Variants in DNAH11 observed in about 807,000 individuals in gnomAD.
DNAH11 encodes dynein axonemal heavy chain 11.
In DNAH11, 442 loss-of-function variants were observed where a neutral mutation model predicts 526.0. The observed-to-expected ratio is 0.84, with a 90% CI of 0.78 to 0.91. The LOEUF (loss-of-function observed/expected upper bound fraction) is 0.91. Among genes scored for constraint, DNAH11 ranks in the 40% least tolerant of loss-of-function variants. DNAH11 has a pLI of 0.00. For synonymous variants in DNAH11, 2,461 were observed against 1,935.9 expected (o/e 1.27, Z -7.12); for missense variants, 6,989 against 5,448.7 (o/e 1.28, Z -8.90).
chr7:21,873,116 G>A (rs1054739855), intron 73 of DNAH11, among the ~76,000 whole-genome samples, 158 bp from the exon 74 acceptor site: 12 of 150,528 alleles, frequency 8.0e-5, no homozygotes, highest in East Asian at 7.8e-4. Flanking sequence ...ATGTATTGAT[G>A]TATTGATAAA....
At position 21,779,045 on chromosome 7, in the gene DNAH11, G is replaced by A. The variant is rs775758433; in HGVS notation, c.9424G>A (p.Gly3142Ser). Residue 3142 changes from glycine to serine, a missense_variant, in exon 57 of 82, where the codon GGC becomes AGC. Transcript: ENST00000409508. ...HDAEALITKI[G>S]LQTEKVSREK... ...TGCCGAAGCTCTGATCACAAAGATC[G>A]GCCTTCAGACGGAGAAAGTGAGCCG... The A allele has an allele frequency of 6.2e-6, 10 of 1,613,294 alleles. No homozygotes were observed. Among genetic ancestry groups the A allele is most frequent in the Non-Finnish European group, 6.8e-6 (8 of 1,179,586 alleles).
chr7:21,860,034 G>T (rs898834197), intron 68 of DNAH11, among the ~76,000 whole-genome samples: 1 of 152,240 alleles, frequency 6.6e-6, no homozygotes, highest in East Asian at 1.9e-4. Context: ...TTAGCCAAGT[G>T]TGATGACACA....
rs1239853448 is a variant in DNAH11, at chr7:21,901,468, A to G, written c.*214A>G. ...CACACGACTGTAATCCCAGTTACTC[A>G]GGAGGTAGGAGAATCACTTGAACCT... On this transcript the variant is annotated 3_prime_UTR_variant, in exon 82 of 82. Transcript: ENST00000409508. The G allele has an allele frequency of 3.8e-6, 2 of 528,336 alleles. No homozygotes were observed. Among genetic ancestry groups the G allele is most frequent in the Non-Finnish European group, 5.6e-6 (2 of 357,256 alleles). The allele number at this position is 528,336 out of a possible 1,614,324, so 32.7% of individuals were successfully genotyped here. A position where few individuals can be genotyped will look rare whatever the true frequency, so the allele number is the denominator to read the frequency against.
At chr7:21,716,978 G>A (rs1784688367) in intron 42 of DNAH11, among the ~76,000 whole-genome samples, 1 of 151,740 alleles carries the variant, frequency 6.6e-6, no homozygotes, top group Admixed American at 6.6e-5. Context: ...TTGACCTGTG[G>A]TCATACTCCT....
chr7:21,564,132 G>GAAAAA, intron 5 of DNAH11, 54 bp from the exon 6 acceptor site: 10 of 1,148,528 alleles, frequency 8.7e-6, no homozygotes, highest in Admixed American at 5.8e-5. Flanking sequence ...AGTGAATTTA[G>GAAAAA]AAAAAAAAAA....
In DNAH11 at chr7:21,866,632, A is replaced by G. The variant is rs72658811; in HGVS notation, c.11659A>G (p.Met3887Val). The G allele has an allele frequency of 3.7e-5, 60 of 1,613,750 alleles. No individual in the cohort carries two copies. The East Asian group carries it at 6.0e-4, about 16-fold the overall frequency. Residue 3887 changes from methionine to valine, a missense_variant, in exon 71 of 82, where the codon ATG becomes GTG. Transcript: ENST00000409508. ...LIQKLILLRA[M>V]RPDRMTYALR... ...ACAGAAGCTGATTCTTCTGAGAGCA[A>G]TGCGCCCTGACAGAATGACGTATGC...
chr7:21,863,863 G>A (rs1411689691), intron 69 of DNAH11, among the ~76,000 whole-genome samples: 1 of 152,064 alleles, frequency 6.6e-6, no homozygotes, highest in African/African-American at 2.4e-5. Flanking sequence ...GAAGATATCT[G>A]GAATTTTAAG....
rs150064560 is a variant in DNAH11 at position 21,613,915 on chromosome 7, A to G, written c.3853-1199A>G. ...CCCGAGTAACTGGGACTATAGGCAC[A>G]TGCCACCATGCCCAGCTAATTTTTT... On this transcript the variant is annotated intron_variant, in intron 20 of 81. Coordinates refer to ENST00000409508, the MANE Select transcript of DNAH11 (RefSeq NM_001277115.2). Among the ~76,000 whole-genome samples the G allele has an allele frequency of 4.8e-3, 711 of 149,184 alleles. 5 individuals carry two copies. The highest frequency in any genetic ancestry group is 0.016 in the African/African-American group (656 of 40,380).
At chr7:21,900,236 G>A (rs1784719343) in intron 81 of DNAH11, 116 bp downstream of exon 81, 2 of 1,125,176 alleles carry the variant, frequency 1.8e-6, no homozygotes, top group East Asian at 2.7e-5. Context: ...CCTTATGCTA[G>A]TCATTATCTC....
chr7:21,784,429 G>T lies in DNAH11; in HGVS notation c.9486G>T (p.Val3162=), dbSNP rs767348960. 6.2e-7 allele frequency: 1 copy of T among 1,611,600 alleles called. No individual in the cohort carries two copies. Among genetic ancestry groups the T allele is most frequent in the Non-Finnish European group, 8.5e-7 (1 of 1,178,452 alleles). The change falls in exon 58 of 82, where the codon GTG becomes GTT. Residue 3162 remains valine (V), a splice_region_variant and synonymous_variant. Coordinates refer to ENST00000409508, the MANE Select transcript of DNAH11 (RefSeq NM_001277115.2). ...GTGTGCTTTTCCTCTTTAATTAGGT[G>T]ACAGCCATTCAGACTGAAGTGTTCC... is the stretch of plus-strand genomic sequence containing the variant. ...KTIADAEERK[V]TAIQTEVFQK...
At chr7:21,855,041 T>C (rs1359995931) in intron 68 of DNAH11, among the ~76,000 whole-genome samples, 2 of 149,646 alleles carry the variant, frequency 1.3e-5, no homozygotes, top group Non-Finnish European at 3.0e-5. Context: ...TTTTTTTTTT[T>C]TTTTTTTTGG....
chr7:21,872,138 A>AAAAAACAAAACAAC (rs750641254), intron 73 of DNAH11, among the ~76,000 whole-genome samples: 1 of 128,914 alleles, frequency 7.8e-6, no homozygotes, highest in East Asian at 2.0e-4. Context: ...AAAAAAAAAA[A>AAAAAACAAAACAAC]AAAAAAAAAA....
At chr7:21,646,347 G>T (rs966508032) in intron 28 of DNAH11, among the ~76,000 whole-genome samples, 3 of 152,182 alleles carry the variant, frequency 2.0e-5, no homozygotes, top group African/African-American at 7.2e-5. Context: ...TGGACATCAG[G>T]CAGTGGGGAT....
At chr7:21,674,496 G>A (rs576398047) in intron 30 of DNAH11, among the ~76,000 whole-genome samples, 4 of 152,212 alleles carry the variant, frequency 2.6e-5, no homozygotes, top group Admixed American at 2.6e-4. Context: ...AAGTAACTGG[G>A]GTTACAAGTG....
intron 30 of DNAH11, among the ~76,000 whole-genome samples, chr7:21,679,648 A>G (rs1783058658): frequency 6.6e-6 from 1 of 151,856 alleles, no homozygotes; most frequent in Non-Finnish European, 1.5e-5. Flanking sequence ...TTTGTGTTTG[A>G]CTCTAAGTCT....
Position 21,901,261 on chromosome 7 carries a change from ACTGGCATTCCT to A in DNAH11, c.*10_*20del. The A allele has an allele frequency of 6.3e-7, 1 of 1,596,702 alleles. No homozygotes were observed. Among genetic ancestry groups the A allele is most frequent in the East Asian group, 2.3e-5 (1 of 44,326 alleles). On this transcript the variant is annotated 3_prime_UTR_variant, in exon 82 of 82. Coordinates refer to ENST00000409508, the MANE Select transcript of DNAH11 (RefSeq NM_001277115.2). Reference sequence around the variant, plus strand: ...TCTGCTTCTAGAAGCGTAAGGTAACACTGGCATTCCTCTAGCCTCTGCTGGAGTGCAGTGAG... The same window carrying A: ...TCTGCTTCTAGAAGCGTAAGGTAACACTAGCCTCTGCTGGAGTGCAGTGAG...
chr7:21,602,986 T>A lies in DNAH11; in HGVS notation c.3648+1368T>A, dbSNP rs557879527. ...CACCTCTATCTAGTTCCAGAAATTT[T>A]CATCACTCCCAGAAATCCCATACCA... On this transcript the variant is annotated intron_variant, in intron 18 of 81. Transcript: ENST00000409508. Among the ~76,000 whole-genome samples, 10 of 152,316 alleles carry A rather than the reference T, an allele frequency of 6.6e-5. No individual in the cohort carries two copies. In the East Asian group the frequency reaches 1.9e-3, roughly 29 times the overall value.
chr7:21,899,209 T>C, intron 79 of DNAH11, 127 bp from the exon 80 acceptor site: 1 of 730,592 alleles, frequency 1.4e-6, no homozygotes, highest in Non-Finnish European at 2.5e-6. Flanking sequence ...AGGGAAGGAT[T>C]TTACCAGCTA....
intron 18 of DNAH11, among the ~76,000 whole-genome samples, chr7:21,605,656 C>T (rs1349732107): frequency 2.0e-5 from 3 of 152,142 alleles, no homozygotes; most frequent in African/African-American, 7.2e-5. Context: ...AGAGAAAAGC[C>T]GAGGATGAGA....
Sources: allele counts gnomAD v4.1 joint callset (sites outside exome capture counted in the v4.1 genomes callset), GRCh38; gene constraint gnomAD v4.1.1; transcripts MANE v1.5; gene names NCBI Gene and HGNC (gene_info 2026-07-23, HGNC 2026-07-21).